The following MAN2A1 variants were observed in gnomAD, a reference collection of about 807,000 sequenced individuals.
MAN2A1 encodes mannosidase alpha class 2A member 1.
A neutral mutation model predicts 142.6 loss-of-function variants in MAN2A1; 76 were observed. That is an observed-to-expected ratio of 0.53 (90% CI 0.44 to 0.65). The LOEUF (loss-of-function observed/expected upper bound fraction) is 0.65, where lower values mean the gene tolerates loss of function less well. Ranked by LOEUF, MAN2A1 falls within the 30% of genes least tolerant of loss-of-function variation. The probability of loss-of-function intolerance (pLI) is 0.00; values close to 1 mark genes in which losing one functional copy is unlikely to be tolerated. For missense variants in MAN2A1, 1,311 were observed against 1,365.1 expected (o/e 0.96, Z 0.62); for synonymous variants, 559 against 473.2 (o/e 1.18, Z -2.35).
Position 109,789,008 on chromosome 5 carries a change from T to G in MAN2A1, c.1835T>G (p.Leu612Arg), listed in dbSNP as rs752503398. The change falls in exon 11 of 22, where the codon CTC (leucine) becomes CGC (arginine). Residue 612 changes from leucine (L) to arginine (R), a missense_variant. This residue lies in a region of MAN2A1 where 890 missense variants were observed against 920.5 expected (regional missense o/e 0.97). Transcript: ENST00000261483. Reference sequence around the variant, plus strand: ...TTTCTTCTTATTTTGAAGGACAAACTCACATACGACTCTTACTCTCCTGAT... The same window carrying G: ...TTTCTTCTTATTTTGAAGGACAAACGCACATACGACTCTTACTCTCCTGAT... ...SAFLLILKDK[L>R]TYDSYSPDTF... 1 of 1,603,326 alleles carries G rather than the reference T, an allele frequency of 6.2e-7. No homozygotes were observed. The highest frequency in any genetic ancestry group is 1.1e-5 in the South Asian group (1 of 90,352).
intron 16 of MAN2A1, chr5:109,840,815 G>A (rs975068324): frequency 8.7e-6 from 2 of 230,404 alleles, no homozygotes; most frequent in Non-Finnish European, 1.7e-5. Context: ...CCGGAGTCCT[G>A]AGGAGAAGCC....
intron 6 of MAN2A1, among the ~76,000 whole-genome samples, chr5:109,769,989 T>C (rs1753098567): frequency 6.6e-6 from 1 of 152,194 alleles, no homozygotes; most frequent in Non-Finnish European, 1.5e-5. Flanking sequence ...GTTACCTGAA[T>C]TGGGAACAGT....
intron 1 of MAN2A1, among the ~76,000 whole-genome samples, chr5:109,693,556 C>T (rs1194383658): frequency 6.6e-6 from 1 of 151,970 alleles, no homozygotes; most frequent in African/African-American, 2.4e-5. Context: ...AAAGACCATC[C>T]TAGATTGAGA....
At chr5:109,837,096 T>G (rs765404253) in intron 16 of MAN2A1, among the ~76,000 whole-genome samples, 1 of 148,354 alleles carries the variant, frequency 6.7e-6, no homozygotes, top group Non-Finnish European at 1.5e-5. Flanking sequence ...TCCCATTTTT[T>G]TGTTCCTAGT....
At chr5:109,820,113 A>G in intron 14 of MAN2A1, 107 bp from the exon 15 acceptor site, 8 of 1,014,216 alleles carry the variant, frequency 7.9e-6, no homozygotes, top group South Asian at 6.7e-5. Flanking sequence ...GGTCCACCAG[A>G]TAAGTACAGA....
At chr5:109,835,097 GTTAA>G (rs770273796) in intron 16 of MAN2A1, among the ~76,000 whole-genome samples, 96 of 152,218 alleles carry the variant, frequency 6.3e-4, no homozygotes, top group African/African-American at 2.1e-3. Context: ...AGCAGTATAT[GTTAA>G]TTAATAACCA....
chr5:109,763,796 C>T (rs1048454932), intron 5 of MAN2A1, among the ~76,000 whole-genome samples: 1 of 151,256 alleles, frequency 6.6e-6, no homozygotes, highest in Non-Finnish European at 1.5e-5. Context: ...AAAAATTGAC[C>T]ATTATAACTT....
At chr5:109,769,648 C>T (rs1400717285) in intron 6 of MAN2A1, among the ~76,000 whole-genome samples, 2 of 152,206 alleles carry the variant, frequency 1.3e-5, no homozygotes, top group Non-Finnish European at 2.9e-5. Context: ...AATTCTGCAT[C>T]AGGAATCAGT....
At chr5:109,798,198 A>G (rs1327470308) in intron 12 of MAN2A1, among the ~76,000 whole-genome samples, 2 of 152,234 alleles carry the variant, frequency 1.3e-5, no homozygotes, top group South Asian at 2.1e-4. Flanking sequence ...AGGTTATATT[A>G]ATGCCTGAAA....
intron 7 of MAN2A1, among the ~76,000 whole-genome samples, chr5:109,772,511 A>T (rs542392719): frequency 6.6e-6 from 1 of 152,170 alleles, no homozygotes; most frequent in South Asian, 2.1e-4. Flanking sequence ...GCCCCTTTCA[A>T]GCTCCCCACT....
chr5:109,867,112 T>G lies in MAN2A1; in HGVS notation c.*114T>G. On this transcript the variant is annotated 3_prime_UTR_variant, in exon 22 of 22. Transcript: ENST00000261483. ...CTGGCTACTGTGAGAACATGAATTC[T>G]GTGATTCTGTGGGTTTTTTCTTTTT... 1 of 651,522 alleles carries G rather than the reference T, an allele frequency of 1.5e-6. No homozygotes were observed. Among genetic ancestry groups the G allele is most frequent in the Non-Finnish European group, 2.4e-6 (1 of 416,340 alleles). The allele number at this position is 651,522 out of a possible 1,614,324, so 40.4% of individuals were successfully genotyped here.
At chr5:109,702,219 GA>G in intron 1 of MAN2A1, among the ~76,000 whole-genome samples, 1 of 152,252 alleles carries the variant, frequency 6.6e-6, no homozygotes, top group South Asian at 2.1e-4. Context: ...GGATTTCAAA[GA>G]AGCGTTTTAG....
Position 109,820,274 on chromosome 5 carries a change from T to A in MAN2A1, c.2383T>A (p.Trp795Arg), listed in dbSNP as rs1310339232. Reference protein sequence around the residue: ...KHHEVNVQFSWYGTTIKRDKS... With the variant: ...KHHEVNVQFSRYGTTIKRDKS... ...CCATGAAGTAAATGTGCAATTTTCA[T>A]GGTATGGAACCACAATTAAAAGAGA... The change falls in exon 15 of 22, where the codon TGG becomes AGG. Residue 795 changes from tryptophan to arginine, a missense_variant. This residue lies in a region of MAN2A1 where 890 missense variants were observed against 920.5 expected (regional missense o/e 0.97). Transcript: ENST00000261483. 9 of 1,611,940 alleles carry A rather than the reference T, an allele frequency of 5.6e-6. No individual in the cohort carries two copies. The highest frequency in any genetic ancestry group is 1.3e-5 in the African/African-American group (1 of 74,880).
At chr5:109,755,528 T>C in intron 5 of MAN2A1, 72 bp downstream of exon 5, 2 of 1,222,354 alleles carry the variant, frequency 1.6e-6, no homozygotes, top group Non-Finnish European at 2.3e-6. Flanking sequence ...TGAGGCTCTG[T>C]TCTTTTTTCG....
chr5:109,801,218 T>C (rs1238163826), intron 12 of MAN2A1, among the ~76,000 whole-genome samples: 1 of 152,204 alleles, frequency 6.6e-6, no homozygotes, highest in East Asian at 1.9e-4. Flanking sequence ...ACCTGTTAGC[T>C]CTACCACTGT....
Position 109,845,910 on chromosome 5 carries a change from G to A in MAN2A1, c.2746G>A (p.Val916Ile), listed in dbSNP as rs142363192. The A allele has an allele frequency of 2.5e-5, 40 of 1,613,532 alleles. No homozygotes were observed. The highest frequency in any genetic ancestry group is 8.9e-5 in the East Asian group (4 of 44,858). The change falls in exon 18 of 22, where the codon GTC becomes ATC. Residue 916 changes from valine (V) to isoleucine (I), a missense_variant. This residue lies in a region of MAN2A1 where 890 missense variants were observed against 920.5 expected (regional missense o/e 0.97). Transcript: ENST00000261483. ...TLSKLPLQAN[V>I]YPMTTMAYIQ... is the part of the protein sequence containing the mutation. ...GAGCAAATTGCCTCTTCAAGCAAAT[G>A]TCTATCCCATGACCACAATGGCCTA...
At position 109,713,649 on chromosome 5, in the gene MAN2A1, A is replaced by G. The variant is rs1174228331; in HGVS notation, c.265A>G (p.Ser89Gly). 1 of 1,614,240 alleles carries G rather than the reference A, an allele frequency of 6.2e-7. No homozygotes were observed. The highest frequency in any genetic ancestry group is 1.7e-5 in the Admixed American group (1 of 60,026). Residue 89 changes from serine to glycine, a missense_variant, in exon 2 of 22, where the codon AGT becomes GGT. By Grantham distance (56) the Ser-to-Gly change is moderately conservative. Coordinates refer to ENST00000261483, the MANE Select transcript of MAN2A1 (RefSeq NM_002372.4). ...TGAGTCTGTGGAGGATGGTCCGAAA[A>G]GTTCACAAAGCAATTTCAGCCAAGG... ...LSESVEDGPK[S>G]SQSNFSQGAG...
chr5:109,829,081 G>A (rs1472298390), intron 16 of MAN2A1, among the ~76,000 whole-genome samples: 1 of 152,118 alleles, frequency 6.6e-6, no homozygotes, highest in African/African-American at 2.4e-5. Context: ...CTCAACATAA[G>A]CTTCATCAAG....
rs546071730 is a variant in MAN2A1 at position 109,801,980 on chromosome 5, G to A, written c.1943+12453G>A. Among the ~76,000 whole-genome samples, 178 of 151,978 alleles carry A rather than the reference G, an allele frequency of 1.2e-3. 1 individual carries two copies. The highest frequency in any genetic ancestry group is 4.2e-3 in the African/African-American group (176 of 41,456). ...TCCTGTTTATTTGTAGGACTATGTG[G>A]GCCTATGTTAAAATATAGTTCCTTA... On this transcript the variant is annotated intron_variant, in intron 12 of 21. Coordinates refer to ENST00000261483, the MANE Select transcript of MAN2A1 (RefSeq NM_002372.4).
Sources: allele counts gnomAD v4.1 joint callset (sites outside exome capture counted in the v4.1 genomes callset), GRCh38; gene constraint gnomAD v4.1.1; regional missense constraint gnomAD v4.1.1; transcripts MANE v1.5; gene names NCBI Gene and HGNC (gene_info 2026-07-23, HGNC 2026-07-21).